COL8A1: variants seen among roughly 807,000 people sequenced by gnomAD.
The protein encoded by COL8A1 is collagen alpha-1(VIII) chain.
A neutral mutation model predicts 42.7 loss-of-function variants in COL8A1; 21 were observed. The observed-to-expected ratio is 0.49, with a 90% confidence interval of 0.35 to 0.71. The LOEUF (loss-of-function observed/expected upper bound fraction) is 0.71, where lower values mean the gene tolerates loss of function less well. Among genes scored for constraint, COL8A1 ranks in the 30% least tolerant of loss-of-function variants. The pLI is 0.01. For synonymous variants in COL8A1, 367 were observed against 369.1 expected (o/e 0.99, Z 0.06); for missense variants, 788 against 962.4 (o/e 0.82, Z 2.40).
At chr3:99,734,069 G>C (rs1350667071) in intron 1 of COL8A1, among the ~76,000 whole-genome samples, 1 of 152,000 alleles carries the variant, frequency 6.6e-6, no homozygotes, top group African/African-American at 2.4e-5. Context: ...ACATGAGTAG[G>C]TTGTGAAAAT....
intron 2 of COL8A1, among the ~76,000 whole-genome samples, chr3:99,760,697 T>G (rs1045344641): frequency 6.6e-6 from 1 of 152,326 alleles, no homozygotes; most frequent in East Asian, 1.9e-4. Context: ...GACATTCATG[T>G]GTAGACCTGA....
intron 1 of COL8A1, among the ~76,000 whole-genome samples, chr3:99,730,313 G>A (rs1940464112): frequency 6.6e-6 from 1 of 152,134 alleles, no homozygotes; most frequent in South Asian, 2.1e-4. Context: ...TTTTGTGAAG[G>A]AAATTCAAAA....
chr3:99,732,563 ACCCT>A (rs1168212779), intron 1 of COL8A1, among the ~76,000 whole-genome samples: 1 of 152,048 alleles, frequency 6.6e-6, no homozygotes, highest in East Asian at 1.9e-4. Flanking sequence ...AAGGGTAACC[ACCCT>A]CATGATTAAA....
rs141647681 is a variant in COL8A1 at position 99,791,464 on chromosome 3, G to A, written c.328+454G>A. 5.2e-3 allele frequency among the ~76,000 whole-genome samples: 797 copies of A among 152,286 alleles called. 9 individuals carry two copies. Among genetic ancestry groups the A allele is most frequent in the Non-Finnish European group, 5.0e-3 (341 of 68,014 alleles). Reference sequence around the variant, plus strand: ...GAAAAGTCACAGGAAAGCATTTTGCGAACTAAGTATTAGACAGGTGCAAGT... The same window carrying A: ...GAAAAGTCACAGGAAAGCATTTTGCAAACTAAGTATTAGACAGGTGCAAGT... On this transcript the variant is annotated intron_variant, in intron 3 of 3. Transcript: ENST00000652472.
chr3:99,721,859 C>A (rs1940166439), intron 1 of COL8A1, among the ~76,000 whole-genome samples: 1 of 151,154 alleles, frequency 6.6e-6, no homozygotes, highest in South Asian at 2.1e-4. Flanking sequence ...TATTATAGAA[C>A]CCCTGAGAAG....
chr3:99,763,903 G>A (rs541272867), intron 2 of COL8A1, among the ~76,000 whole-genome samples: 2 of 152,208 alleles, frequency 1.3e-5, no homozygotes, highest in Non-Finnish European at 2.9e-5. Flanking sequence ...TTTCACCTGG[G>A]GTGATCTACC....
chr3:99,689,966 T>A (rs1378228512), intron 1 of COL8A1, among the ~76,000 whole-genome samples: 1 of 152,214 alleles, frequency 6.6e-6, no homozygotes, highest in African/African-American at 2.4e-5. Flanking sequence ...TTCCTTTTTA[T>A]TTTTCTTTAA....
At chr3:99,744,296 CA>C (rs1329491140) in intron 1 of COL8A1, among the ~76,000 whole-genome samples, 1 of 152,186 alleles carries the variant, frequency 6.6e-6, no homozygotes, top group Non-Finnish European at 1.5e-5. Flanking sequence ...TTACCCAAAA[CA>C]GAGTTAAATT....
At chr3:99,719,652 TA>T (rs2107367412) in intron 1 of COL8A1, among the ~76,000 whole-genome samples, 1 of 152,174 alleles carries the variant, frequency 6.6e-6, no homozygotes, top group Admixed American at 6.6e-5. Context: ...GAAGCATGAG[TA>T]AGTGTTAGCC....
At chr3:99,661,923 G>A (rs538010539) in intron 1 of COL8A1, among the ~76,000 whole-genome samples, 5 of 152,174 alleles carry the variant, frequency 3.3e-5, no homozygotes, top group Non-Finnish European at 7.3e-5. Flanking sequence ...CAAATTTATG[G>A]ATAGAGAAAG....
At chr3:99,664,727 T>A (rs1938311611) in intron 1 of COL8A1, among the ~76,000 whole-genome samples, 1 of 152,200 alleles carries the variant, frequency 6.6e-6, no homozygotes, top group Non-Finnish European at 1.5e-5. Context: ...TTTTTAAAAA[T>A]TGTATTCAAC....
At chr3:99,687,044 A>G (rs1939075611) in intron 1 of COL8A1, among the ~76,000 whole-genome samples, 1 of 151,738 alleles carries the variant, frequency 6.6e-6, no homozygotes, top group African/African-American at 2.4e-5. Flanking sequence ...GAGTTTCGCT[A>G]TGTTGCCCAG....
At chr3:99,704,588 T>C (rs1415838563) in intron 1 of COL8A1, among the ~76,000 whole-genome samples, 1 of 152,236 alleles carries the variant, frequency 6.6e-6, no homozygotes, top group Non-Finnish European at 1.5e-5. Flanking sequence ...CAGCAGCCCC[T>C]GCTCTTTGGA....
Position 99,650,331 on chromosome 3 carries a change from T to A in COL8A1, c.-129+11667T>A, listed in dbSNP as rs571256188. 3.3e-5 allele frequency among the ~76,000 whole-genome samples: 5 copies of A among 152,364 alleles called. No homozygotes were observed. In the South Asian group the frequency reaches 8.3e-4, roughly 25 times the overall value. Reference sequence around the variant, plus strand: ...CACTGTATTGAATAAGTCAGGACTGTCTAATAGAACTTTCTGCAATGATGG... The same window carrying A: ...CACTGTATTGAATAAGTCAGGACTGACTAATAGAACTTTCTGCAATGATGG... On this transcript the variant is annotated intron_variant, in intron 1 of 3. Transcript: ENST00000652472.
At chr3:99,779,176 A>C (rs933662970) in intron 2 of COL8A1, among the ~76,000 whole-genome samples, 1 of 152,244 alleles carries the variant, frequency 6.6e-6, no homozygotes, top group Non-Finnish European at 1.5e-5. Context: ...AGAAGTATAT[A>C]CTGAATTAAG....
At chr3:99,717,859 T>A (rs1312832222) in intron 1 of COL8A1, among the ~76,000 whole-genome samples, 2 of 152,026 alleles carry the variant, frequency 1.3e-5, no homozygotes, top group African/African-American at 4.8e-5. Flanking sequence ...TGAGGGCTCA[T>A]CCAGCTCTAA....
intron 2 of COL8A1, among the ~76,000 whole-genome samples, chr3:99,768,484 A>T (rs533983590): frequency 6.6e-6 from 1 of 152,374 alleles, no homozygotes; most frequent in South Asian, 2.1e-4. Flanking sequence ...TTACAGGTGA[A>T]GAGCATGGGG....
chr3:99,773,082 G>C (rs1465653069), intron 2 of COL8A1, among the ~76,000 whole-genome samples: 6 of 152,148 alleles, frequency 3.9e-5, no homozygotes, highest in Admixed American at 3.9e-4. Context: ...GCCTCCCAGG[G>C]TTACTGGGAT....
intron 2 of COL8A1, among the ~76,000 whole-genome samples, chr3:99,765,643 T>C (rs1941450456): frequency 6.6e-6 from 1 of 152,220 alleles, no homozygotes; most frequent in East Asian, 1.9e-4. Context: ...GTTTACATCA[T>C]TAGGATGTGG....
Sources: allele counts gnomAD v4.1 joint callset (sites outside exome capture counted in the v4.1 genomes callset), GRCh38; gene constraint gnomAD v4.1.1; transcripts MANE v1.5; gene names NCBI Gene and HGNC (gene_info 2026-07-23, HGNC 2026-07-21).